The following RANBP2 variants were observed in gnomAD, a reference collection of about 807,000 sequenced individuals.
RANBP2 encodes RAN binding protein 2.
Under a neutral mutation model 303.6 loss-of-function variants are expected in RANBP2, and 57 were observed. That is an observed-to-expected ratio of 0.19 (90% confidence interval 0.15 to 0.23). The LOEUF (loss-of-function observed/expected upper bound fraction) is 0.23, where lower values mean the gene tolerates loss of function less well. RANBP2 is among the 10% of genes least tolerant of loss of function. The probability of loss-of-function intolerance (pLI) is 1.00; values close to 1 mark genes in which losing one functional copy is unlikely to be tolerated. For missense variants in RANBP2, 3,138 were observed against 3,780.8 expected (o/e 0.83, Z 4.46); for synonymous variants, 1,167 against 1,301.5 (o/e 0.90, Z 2.23).
the RANBP2 span, among the ~76,000 whole-genome samples, chr2:109,071,161 T>TG: frequency 1.3e-5 from 2 of 152,204 alleles, no homozygotes; most frequent in Non-Finnish European, 2.9e-5. Context: ...GACAGGATCA[T>TG]GGCTTTGAGA....
At chr2:109,205,100 G>C in the RANBP2 span, among the ~76,000 whole-genome samples, 1 of 152,140 alleles carries the variant, frequency 6.6e-6, no homozygotes, top group Non-Finnish European at 1.5e-5. Context: ...TCAGCTACTT[G>C]GGAGGCCGAG....
At chr2:109,249,112 T>G in the RANBP2 span, among the ~76,000 whole-genome samples, 1 of 152,170 alleles carries the variant, frequency 6.6e-6, no homozygotes, top group African/African-American at 2.4e-5. Context: ...AACTCCTGGC[T>G]TCAAGCAATT....
the RANBP2 span, chr2:109,130,022 C>G: frequency 7.6e-7 from 1 of 1,322,226 alleles, no homozygotes; most frequent in South Asian, 2.1e-5. Flanking sequence ...GGCAGCACCC[C>G]GGGTTCCCCG....
chr2:109,705,388 A>G, the RANBP2 span, among the ~76,000 whole-genome samples: 1 of 152,208 alleles, frequency 6.6e-6, no homozygotes, highest in East Asian at 1.9e-4. Flanking sequence ...CCTGGGCAAC[A>G]AGAGCAAAAC....
chr2:108,745,537 A>G (rs926937213), intron 7 of RANBP2, among the ~76,000 whole-genome samples: 6 of 150,836 alleles, frequency 4.0e-5, no homozygotes, highest in Admixed American at 1.3e-4. Flanking sequence ...TCTTTTATAA[A>G]ATAATTTTAA....
intron 2 of RANBP2, among the ~76,000 whole-genome samples, chr2:108,730,538 A>G (rs908651365): frequency 1.3e-5 from 2 of 152,176 alleles, no homozygotes; most frequent in Non-Finnish European, 2.9e-5. Context: ...CTGGAGAAAA[A>G]TTTGGTAAAT....
the RANBP2 span, among the ~76,000 whole-genome samples, chr2:109,537,915 T>G: frequency 4.6e-5 from 7 of 152,224 alleles, no homozygotes; most frequent in African/African-American, 1.7e-4. Context: ...GCCACTGCAC[T>G]CTAGCTCAGG....
chr2:109,159,347 C>A, the RANBP2 span, among the ~76,000 whole-genome samples: 1 of 152,220 alleles, frequency 6.6e-6, no homozygotes, highest in African/African-American at 2.4e-5. Flanking sequence ...GCCTGCCCTG[C>A]CCAGCCCCAG....
At chr2:109,548,250 A>C in the RANBP2 span, among the ~76,000 whole-genome samples, 1 of 152,058 alleles carries the variant, frequency 6.6e-6, no homozygotes, top group Admixed American at 6.5e-5. Flanking sequence ...CTAACAACAC[A>C]ACCACAGTGT....
chr2:109,388,975 G>C, the RANBP2 span, among the ~76,000 whole-genome samples: 2 of 152,196 alleles, frequency 1.3e-5, no homozygotes, highest in Middle Eastern at 3.2e-3. Flanking sequence ...CGATAGTCTG[G>C]CTGATGTCCT....
chr2:109,063,590 T>C, the RANBP2 span, among the ~76,000 whole-genome samples: 3 of 152,152 alleles, frequency 2.0e-5, no homozygotes, highest in Non-Finnish European at 2.9e-5. Context: ...GCTGTAGAAC[T>C]GGCATTGGAA....
At chr2:109,544,517 GGTCCTGATTTT>G in the RANBP2 span, 3 of 985,036 alleles carry the variant, frequency 3.0e-6, no homozygotes, top group Non-Finnish European at 3.6e-6. Flanking sequence ...ATATGGGCTT[GGTCCTGATTTT>G]GCAAACAACA....
the RANBP2 span, among the ~76,000 whole-genome samples, chr2:109,078,709 G>A: frequency 6.7e-5 from 10 of 148,980 alleles, 1 homozygote; most frequent in South Asian, 6.4e-4. Flanking sequence ...TGGGCCGGGC[G>A]CGTTGGTGCG....
chr2:108,854,909 T>C, the RANBP2 span, among the ~76,000 whole-genome samples: 133 of 152,294 alleles, frequency 8.7e-4, no homozygotes, highest in Non-Finnish European at 1.4e-3. Context: ...CAAAAGACTT[T>C]CTAATCATTT....
the RANBP2 span, among the ~76,000 whole-genome samples, chr2:109,581,763 G>A: frequency 0.017 from 2,523 of 152,228 alleles, 67 homozygotes; most frequent in African/African-American, 0.057. Context: ...CTTGAGAACT[G>A]AAACAAGATA....
the RANBP2 span, among the ~76,000 whole-genome samples, chr2:108,957,686 C>T: frequency 6.6e-6 from 1 of 152,218 alleles, no homozygotes; most frequent in African/African-American, 2.4e-5. Flanking sequence ...TGTCCAAACC[C>T]CATCCTTCAC....
the RANBP2 span, among the ~76,000 whole-genome samples, chr2:109,602,680 T>TAA: frequency 8.4e-5 from 8 of 95,076 alleles, no homozygotes; most frequent in Admixed American, 3.2e-4. Flanking sequence ...CATCTCAAAT[T>TAA]AAAAAAAAAA....
the RANBP2 span, chr2:109,490,477 CT>C: frequency 1.2e-6 from 1 of 851,246 alleles, no homozygotes; most frequent in Non-Finnish European, 1.7e-6. Context: ...GTGGTAAAGT[CT>C]TTTGTCTGAA....
the RANBP2 span, among the ~76,000 whole-genome samples, chr2:109,633,473 G>A: frequency 1.3e-4 from 20 of 151,732 alleles, no homozygotes; most frequent in Admixed American, 2.0e-4. Flanking sequence ...ATGCTGAGGC[G>A]CCCAGGGGAA....
Sources: gnomAD v4.1 joint callset for allele counts (sites outside exome capture counted in the v4.1 genomes callset) on GRCh38, gnomAD v4.1.1 for gene constraint, MANE v1.5 for transcripts, NCBI Gene and HGNC (gene_info 2026-07-23, HGNC 2026-07-21) for gene names.